HS3ST4: variants seen among roughly 807,000 people sequenced by gnomAD.
The protein encoded by HS3ST4 is heparan sulfate-glucosamine 3-sulfotransferase 4.
In HS3ST4, 17 loss-of-function variants were observed where a neutral mutation model predicts 29.2. The observed-to-expected ratio is 0.58, with a 90% CI of 0.40 to 0.87. The LOEUF is 0.87. Among genes scored for constraint, HS3ST4 ranks in the 40% least tolerant of loss-of-function variants. The pLI is 0.00. For missense variants in HS3ST4, 627 were observed against 634.5 expected (o/e 0.99, Z 0.13); for synonymous variants, 314 against 285.7 (o/e 1.10, Z -1.00).
chr16:25,771,072 A>G (rs567154690), intron 1 of HS3ST4, among the ~76,000 whole-genome samples: 10 of 152,054 alleles, frequency 6.6e-5, no homozygotes, highest in Admixed American at 2.6e-4. Flanking sequence ...TGCTGCACCT[A>G]TCAACCTGTC....
intron 1 of HS3ST4, among the ~76,000 whole-genome samples, chr16:25,828,228 T>A (rs574773615): frequency 2.5e-5 from 2 of 81,616 alleles, no homozygotes; most frequent in Non-Finnish European, 4.8e-5. Flanking sequence ...TTTCCTTTCT[T>A]TCTTTCTTTC....
At chr16:25,769,812 A>G (rs1966839638) in intron 1 of HS3ST4, among the ~76,000 whole-genome samples, 1 of 152,138 alleles carries the variant, frequency 6.6e-6, no homozygotes, top group Admixed American at 6.5e-5. Context: ...CTTTGTGTAG[A>G]TGCCAGAGAT....
intron 1 of HS3ST4, among the ~76,000 whole-genome samples, chr16:26,104,222 C>G (rs147818062): frequency 6.6e-6 from 1 of 152,264 alleles, no homozygotes; most frequent in East Asian, 1.9e-4. Context: ...GTCAACCTAG[C>G]TAAGTCTGTC....
chr16:25,820,389 A>T lies in HS3ST4; in HGVS notation c.734+127238A>T, dbSNP rs74589691. 1.0e-3 allele frequency among the ~76,000 whole-genome samples: 152 copies of T among 152,068 alleles called. 1 individual carries two copies. The East Asian group carries it at 0.027, about 27-fold the overall frequency. ...TCTTTGTGTGACATGAAACATTTTT[A>T]CTATTTTCTTTTTTGTTTTTTAAGG... On this transcript the variant is annotated intron_variant, in intron 1 of 1. Transcript: ENST00000331351.
intron 1 of HS3ST4, among the ~76,000 whole-genome samples, chr16:26,037,971 CG>C (rs1451897251): frequency 6.6e-6 from 1 of 152,138 alleles, no homozygotes; most frequent in East Asian, 1.9e-4. Context: ...GGCCACTTGC[CG>C]GGTCAAAAGC....
chr16:25,908,496 G>T (rs1039250007), intron 1 of HS3ST4, among the ~76,000 whole-genome samples: 2 of 152,166 alleles, frequency 1.3e-5, no homozygotes, highest in Non-Finnish European at 2.9e-5. Flanking sequence ...GTGGGACATG[G>T]TCCAGATCCT....
intron 1 of HS3ST4, among the ~76,000 whole-genome samples, chr16:25,962,422 C>A (rs2141702392): frequency 6.6e-6 from 1 of 152,288 alleles, no homozygotes; most frequent in South Asian, 2.1e-4. Context: ...CATTGCTTAT[C>A]CACTTTTGCC....
At chr16:26,058,082 A>G (rs971152977) in intron 1 of HS3ST4, among the ~76,000 whole-genome samples, 2 of 152,246 alleles carry the variant, frequency 1.3e-5, no homozygotes, top group African/African-American at 2.4e-5. Flanking sequence ...TTGGGAGGCA[A>G]CACAAGTTGT....
intron 1 of HS3ST4, among the ~76,000 whole-genome samples, chr16:25,714,600 G>A (rs1299752508): frequency 6.6e-6 from 1 of 152,214 alleles, no homozygotes; most frequent in Admixed American, 6.5e-5. Flanking sequence ...AAGCCACCCT[G>A]GTTAACTTCA....
chr16:25,806,373 G>GT (rs1260897728), intron 1 of HS3ST4, among the ~76,000 whole-genome samples: 4 of 152,036 alleles, frequency 2.6e-5, no homozygotes, highest in Admixed American at 2.6e-4. Flanking sequence ...TCCAATCCTC[G>GT]TGCCTCCATT....
intron 1 of HS3ST4, among the ~76,000 whole-genome samples, chr16:25,913,858 T>G (rs1596612110): frequency 7.1e-6 from 1 of 141,562 alleles, no homozygotes; most frequent in South Asian, 2.3e-4. Context: ...GGAGGGAGGG[T>G]GTGTGTGGGG....
chr16:25,782,072 T>G (rs1389773699), intron 1 of HS3ST4, among the ~76,000 whole-genome samples: 1 of 152,056 alleles, frequency 6.6e-6, no homozygotes, highest in Admixed American at 6.6e-5. Context: ...TGGCAGAAGG[T>G]GAAGGGGAAG....
intron 1 of HS3ST4, among the ~76,000 whole-genome samples, chr16:25,991,331 A>G (rs957695505): frequency 3.9e-5 from 6 of 152,220 alleles, no homozygotes; most frequent in African/African-American, 1.4e-4. Flanking sequence ...TATTGGTGCC[A>G]TTTATTATAT....
chr16:26,012,777 A>G (rs1969322726), intron 1 of HS3ST4, among the ~76,000 whole-genome samples: 1 of 152,222 alleles, frequency 6.6e-6, no homozygotes, highest in Admixed American at 6.5e-5. Flanking sequence ...CATTGAATAA[A>G]TAGATTTATT....
intron 1 of HS3ST4, among the ~76,000 whole-genome samples, chr16:26,004,165 T>G (rs906510681): frequency 6.6e-6 from 1 of 152,198 alleles, no homozygotes; most frequent in Non-Finnish European, 1.5e-5. Flanking sequence ...AAGGTTTTCT[T>G]AAGGCAGTTG....
At chr16:25,869,997 T>C (rs929624103) in intron 1 of HS3ST4, among the ~76,000 whole-genome samples, 4 of 152,182 alleles carry the variant, frequency 2.6e-5, no homozygotes, top group African/African-American at 9.7e-5. Context: ...TTCATCTCTA[T>C]CTCTGAGATA....
At chr16:25,907,702 C>T (rs1197831345) in intron 1 of HS3ST4, among the ~76,000 whole-genome samples, 1 of 152,070 alleles carries the variant, frequency 6.6e-6, no homozygotes, top group Non-Finnish European at 1.5e-5. Flanking sequence ...GCACCCGGGC[C>T]CCCCAAAACA....
At chr16:25,965,303 G>C (rs182839286) in intron 1 of HS3ST4, among the ~76,000 whole-genome samples, 51 of 151,822 alleles carry the variant, frequency 3.4e-4, no homozygotes, top group Non-Finnish European at 2.6e-4. Flanking sequence ...CTGTTCCTAG[G>C]GCCAGAACAG....
chr16:25,957,573 A>G (rs1331295578), intron 1 of HS3ST4, among the ~76,000 whole-genome samples: 2 of 151,784 alleles, frequency 1.3e-5, no homozygotes, highest in Admixed American at 6.6e-5. Context: ...ATAGGCCACC[A>G]CTCACCGCTA....
Sources: gnomAD v4.1 joint callset for allele counts (sites outside exome capture counted in the v4.1 genomes callset) on GRCh38, gnomAD v4.1.1 for gene constraint, MANE v1.5 for transcripts, NCBI Gene and HGNC (gene_info 2026-07-23, HGNC 2026-07-21) for gene names.